The following RELL1 variants were observed in gnomAD, a reference collection of about 807,000 sequenced individuals.
The protein encoded by RELL1 is RELT like 1.
RELL1 carries 10 observed loss-of-function variants against 23.0 expected under a neutral mutation model. That is an observed-to-expected ratio of 0.43 (90% CI 0.27 to 0.74). The LOEUF is 0.74. RELL1 is among the 30% of genes least tolerant of loss of function. The pLI, the probability that RELL1 is intolerant of heterozygous loss-of-function variation, is 0.19. For synonymous variants in RELL1, 146 were observed against 146.8 expected (o/e 0.99, Z 0.04); for missense variants, 315 against 364.4 (o/e 0.86, Z 1.10).
At chr4:37,644,148 G>A (rs1460216603) in intron 3 of RELL1, among the ~76,000 whole-genome samples, 1 of 151,794 alleles carries the variant, frequency 6.6e-6, no homozygotes, top group Non-Finnish European at 1.5e-5. Flanking sequence ...AAACACAAAG[G>A]CTACTTTCCA....
intron 5 of RELL1, among the ~76,000 whole-genome samples, chr4:37,634,601 A>C (rs1315481359): frequency 6.6e-6 from 1 of 152,260 alleles, no homozygotes; most frequent in Non-Finnish European, 1.5e-5. Context: ...CATAAGTGAA[A>C]TATAAATGTC....
chr4:37,590,786 A>G (rs142404333), downstream of RELL1: 2,315 of 1,614,072 alleles, frequency 1.4e-3, 2 homozygotes, highest in Admixed American at 2.0e-3. Flanking sequence ...TCATTGAATG[A>G]GGATGTGGAA....
chr4:37,618,143 CTTG>C (rs958922153), intron 6 of RELL1, among the ~76,000 whole-genome samples: 1 of 152,148 alleles, frequency 6.6e-6, no homozygotes, highest in Non-Finnish European at 1.5e-5. Context: ...TATTTTATAA[CTTG>C]TTTTTTTCAT....
Position 37,631,362 on chromosome 4 carries a change from A to G in RELL1, c.*3+23T>C, listed in dbSNP as rs184646242. 220 of 1,606,102 alleles carry G rather than the reference A, an allele frequency of 1.4e-4. No homozygotes were observed. In the African/African-American group the frequency reaches 1.8e-3, roughly 13 times the overall value. ...CTCACCCTGCACCACTCTGCCCCCAATGTCACCAAAACCACGGCTCACCTG... is the reference window on the plus strand; with the variant it reads ...CTCACCCTGCACCACTCTGCCCCCAGTGTCACCAAAACCACGGCTCACCTG... On this transcript the variant is annotated intron_variant, in intron 6 of 6. Coordinates refer to ENST00000454158, the MANE Select transcript of RELL1 (RefSeq NM_001085400.2).
chr4:37,659,721 C>A (rs898256039), intron 1 of RELL1, among the ~76,000 whole-genome samples: 1 of 152,110 alleles, frequency 6.6e-6, no homozygotes, highest in Non-Finnish European at 1.5e-5. Flanking sequence ...TATTCCCCAA[C>A]CTTCTGCAGC....
At chr4:37,659,673 G>A (rs1191224800) in intron 1 of RELL1, among the ~76,000 whole-genome samples, 1 of 152,106 alleles carries the variant, frequency 6.6e-6, no homozygotes, top group Non-Finnish European at 1.5e-5. Context: ...AAAATTAGAA[G>A]CAGGAGCTGA....
intron 6 of RELL1, among the ~76,000 whole-genome samples, chr4:37,596,709 C>CATGTATATATATATATAT (rs1718856466): frequency 6.0e-5 from 1 of 16,718 alleles, no homozygotes; most frequent in Non-Finnish European, 1.1e-4. Flanking sequence ...CAAAACTGGG[C>CATGTATATATATATATAT]ATATATATAT....
At chr4:37,656,583 G>GT (rs945437595) in intron 1 of RELL1, among the ~76,000 whole-genome samples, 3 of 152,312 alleles carry the variant, frequency 2.0e-5, no homozygotes, top group African/African-American at 7.2e-5. Flanking sequence ...CAAAACACAC[G>GT]TTGAAATTTG....
chr4:37,674,582 C>T (rs1166805198), intron 1 of RELL1, among the ~76,000 whole-genome samples: 2 of 152,220 alleles, frequency 1.3e-5, no homozygotes, highest in Admixed American at 6.5e-5. Context: ...AATGAAGAAA[C>T]GCCTGCTCAT....
chr4:37,620,463 A>T (rs1015928957), intron 6 of RELL1, among the ~76,000 whole-genome samples: 1 of 152,254 alleles, frequency 6.6e-6, no homozygotes, highest in African/African-American at 2.4e-5. Flanking sequence ...AACTGACATC[A>T]AAAGTTATTC....
chr4:37,638,417 C>A (rs777819349), intron 4 of RELL1, 30 bp downstream of exon 4: 2 of 1,557,756 alleles, frequency 1.3e-6, no homozygotes, highest in South Asian at 1.1e-5. Flanking sequence ...GAAAAGATGT[C>A]GCACTAAGAA....
intron 1 of RELL1, among the ~76,000 whole-genome samples, chr4:37,659,556 T>C (rs1721245052): frequency 6.6e-6 from 1 of 152,174 alleles, no homozygotes. Flanking sequence ...AATGTCTAAA[T>C]GTTCATTTCT....
intron 5 of RELL1, among the ~76,000 whole-genome samples, chr4:37,632,121 C>T (rs2109259596): frequency 7.2e-6 from 1 of 139,028 alleles, no homozygotes; most frequent in Middle Eastern, 4.0e-3. Context: ...ACCTCAGAGA[C>T]TCGAATATTA....
At position 37,593,408 on chromosome 4, in the gene RELL1, G is replaced by T. The variant is rs190795085; in HGVS notation, c.*4-2191C>A. The stretch of plus-strand genomic sequence containing the variant: ...GACCCATGCTGCTTCAATCATTTTG[G>T]TTTCCTTCTCAAGATCACTTTGTAG... On this transcript the variant is annotated intron_variant, in intron 6 of 6. Coordinates refer to the RELL1 transcript ENST00000314117. 9.2e-5 allele frequency among the ~76,000 whole-genome samples: 14 copies of T among 152,200 alleles called. 1 individual carries two copies. In the South Asian group the frequency reaches 1.7e-3, roughly 18 times the overall value.
chr4:37,587,884 G>A (rs1412271929), downstream of RELL1, among the ~76,000 whole-genome samples: 5 of 152,058 alleles, frequency 3.3e-5, no homozygotes, highest in African/African-American at 9.7e-5. Context: ...CAGGAGAATC[G>A]CTTGAACCTG....
At chr4:37,644,007 A>G (rs1474427792) in intron 3 of RELL1, among the ~76,000 whole-genome samples, 2 of 152,210 alleles carry the variant, frequency 1.3e-5, no homozygotes, top group African/African-American at 4.8e-5. Flanking sequence ...AGGCATGGAC[A>G]GGAGAAGAGG....
At chr4:37,678,497 G>A (rs1373941510) in intron 1 of RELL1, among the ~76,000 whole-genome samples, 3 of 152,002 alleles carry the variant, frequency 2.0e-5, no homozygotes, top group Non-Finnish European at 2.9e-5. Context: ...CTACTCCTTC[G>A]GGCACTGCCC....
At chr4:37,600,045 G>A (rs540325652) in intron 6 of RELL1, among the ~76,000 whole-genome samples, 6 of 152,316 alleles carry the variant, frequency 3.9e-5, no homozygotes, top group East Asian at 3.9e-4. Context: ...CGAGGCAGGC[G>A]CATCACTTGA....
intron 1 of RELL1, among the ~76,000 whole-genome samples, chr4:37,668,247 G>A (rs956344654): frequency 8.8e-4 from 76 of 86,178 alleles, no homozygotes; most frequent in African/African-American, 3.4e-3. Flanking sequence ...CTCTTTCCAC[G>A]GTCTCCCTCT....
Sources: allele counts gnomAD v4.1 joint callset (sites outside exome capture counted in the v4.1 genomes callset), GRCh38; gene constraint gnomAD v4.1.1; transcripts MANE v1.5; gene names NCBI Gene and HGNC (gene_info 2026-07-23, HGNC 2026-07-21).